Variants in PARD6G observed in about 807,000 individuals in gnomAD.
PARD6G encodes the protein partitioning defective 6 homolog gamma.
A neutral mutation model predicts 10.7 loss-of-function variants in PARD6G; 7 were observed. That is an observed-to-expected ratio of 0.66 (90% confidence interval 0.37 to 1.23). The LOEUF (loss-of-function observed/expected upper bound fraction) is 1.23. Ranked by LOEUF, PARD6G falls within the 50% of genes most tolerant of loss-of-function variation. The pLI is 0.02. For synonymous variants in PARD6G, 287 were observed against 269.4 expected, an observed-to-expected ratio of 1.07 and a Z score of -0.64; for missense variants, 548 against 571.8, an observed-to-expected ratio of 0.96 and a Z score of 0.42.
chr18:80,239,469 T>C (rs958878054), intron 1 of PARD6G, among the ~76,000 whole-genome samples: 1 of 151,934 alleles, frequency 6.6e-6, no homozygotes, highest in African/African-American at 2.4e-5. Flanking sequence ...CAAAAAAAAA[T>C]CTCATAAAGT....
At position 80,192,761 on chromosome 18, in the gene PARD6G, A is replaced by C. The variant is rs1321028629; in HGVS notation, c.295+9949T>G. On this transcript the variant is annotated intron_variant, in intron 2 of 2. Transcript: ENST00000353265. The surrounding 1 kb of genome is among the most constrained non-coding windows in gnomAD (Gnocchi z 4.9). ...GAGGGTCAACCAGTCCCAAATCTCC[A>C]CTGTTCATTATCTCCTCCTCACAGT... Among the ~76,000 whole-genome samples the C allele has an allele frequency of 1.3e-5, 2 of 152,102 alleles. No homozygotes were observed. Among genetic ancestry groups the C allele is most frequent in the Non-Finnish European group, 2.9e-5 (2 of 67,998 alleles).
chr18:80,169,129 A>G (rs1199373973), intron 2 of PARD6G: 2 of 169,274 alleles, frequency 1.2e-5, no homozygotes, highest in African/African-American at 2.4e-5. Context: ...GTGGCTGTGC[A>G]TGCCTGAGAG....
intron 2 of PARD6G, chr18:80,197,495 C>T (rs2886235): frequency 0.66 from 100,308 of 152,054 alleles, 33,213 homozygotes; most frequent in Admixed American, 0.68. Context: ...AACAGCCATA[C>T]GCAAACGGGC....
At chr18:80,242,513 C>T (rs970750637) in intron 1 of PARD6G, among the ~76,000 whole-genome samples, 3 of 152,242 alleles carry the variant, frequency 2.0e-5, no homozygotes, top group Non-Finnish European at 4.4e-5. Context: ...CACTGCACAC[C>T]TGGCTGTCCC....
intron 1 of PARD6G, among the ~76,000 whole-genome samples, chr18:80,227,459 C>T (rs550025475): frequency 1.3e-5 from 2 of 152,306 alleles, no homozygotes; most frequent in South Asian, 4.1e-4. Flanking sequence ...TGTCAGCATG[C>T]AGGTGAAGAT....
At chr18:80,165,510 G>A (rs2052729737) in intron 2 of PARD6G, among the ~76,000 whole-genome samples, 1 of 151,988 alleles carries the variant, frequency 6.6e-6, no homozygotes, top group Non-Finnish European at 1.5e-5. Context: ...TATCACAGTG[G>A]TCCTGAGGTG....
At chr18:80,205,703 T>C (rs1967047963) in intron 1 of PARD6G, among the ~76,000 whole-genome samples, 1 of 152,202 alleles carries the variant, frequency 6.6e-6, no homozygotes, top group South Asian at 2.1e-4. Flanking sequence ...CAGGAGCAGA[T>C]GGTCACCATG....
At chr18:80,187,504 T>C (rs2052886383) in intron 2 of PARD6G, among the ~76,000 whole-genome samples, 1 of 152,142 alleles carries the variant, frequency 6.6e-6, no homozygotes. Context: ...GCTGGGCTGT[T>C]CCGGTTAGAT....
At chr18:80,226,327 C>T (rs1417680531) in intron 1 of PARD6G, among the ~76,000 whole-genome samples, 6 of 151,996 alleles carry the variant, frequency 3.9e-5, no homozygotes, top group East Asian at 3.9e-4. Context: ...TGTACCACCA[C>T]GCCCAGCTAA....
intron 1 of PARD6G, among the ~76,000 whole-genome samples, chr18:80,214,167 A>G (rs188522401): frequency 6.6e-6 from 1 of 151,378 alleles, no homozygotes; most frequent in East Asian, 2.0e-4. Context: ...AATGTATAAG[A>G]ATGATACCGG....
rs1344546968 is a variant in PARD6G at position 80,189,048 on chromosome 18, G to A, written c.295+13662C>T. Among the ~76,000 whole-genome samples the A allele has an allele frequency of 6.6e-6, 1 of 152,192 alleles. No homozygotes were observed. The highest frequency in any genetic ancestry group is 1.5e-5 in the Non-Finnish European group (1 of 68,044). ...GAACCCAGTTCTAGGGGCTGCCCAC[G>A]TGTCACTTCCACCCCAGATCTGGCT... On this transcript the variant is annotated intron_variant, in intron 2 of 2. Transcript: ENST00000353265. This position sits in a 1 kb window ranked among gnomAD's most constrained non-coding sequence, Gnocchi z 5.5.
chr18:80,165,582 T>C (rs2052730362), intron 2 of PARD6G, among the ~76,000 whole-genome samples: 1 of 152,012 alleles, frequency 6.6e-6, no homozygotes, highest in African/African-American at 2.4e-5. Context: ...CATAAGAAAT[T>C]ATAAAAGTAT....
intron 1 of PARD6G, among the ~76,000 whole-genome samples, chr18:80,233,053 C>CA (rs1967378112): frequency 6.6e-6 from 1 of 152,012 alleles, no homozygotes; most frequent in Non-Finnish European, 1.5e-5. Context: ...GGACAGAGCT[C>CA]CACACACGCA....
At chr18:80,237,640 A>G (rs1967438936) in intron 1 of PARD6G, among the ~76,000 whole-genome samples, 1 of 152,250 alleles carries the variant, frequency 6.6e-6, no homozygotes, top group Admixed American at 6.5e-5. Context: ...CAAAGAACAC[A>G]AACAAATTTA....
In PARD6G at chr18:80,195,572, T is replaced by TATATATATATATATAC. The variant is rs894731117; in HGVS notation, c.295+7137_295+7138insGTATATATATATATAT. Among the ~76,000 whole-genome samples the TATATATATATATATAC allele has an allele frequency of 3.8e-3, 335 of 87,232 alleles. 3 individuals are homozygous for TATATATATATATATAC. The highest frequency in any genetic ancestry group is 0.017 in the African/African-American group (278 of 16,826). The allele number at this position is 87,232 out of a possible 152,430, so 57.2% of individuals were successfully genotyped here. ...ACATATATATATATATATATATATA[T>TATATATATATATATAC]ACACACATTTTTTTTTCTTTTTTTT... On this transcript the variant is annotated intron_variant, in intron 2 of 2. Coordinates refer to ENST00000353265, the MANE Select transcript of PARD6G (RefSeq NM_032510.4).
In PARD6G at chr18:80,204,227, G is replaced by A. The variant is rs117037617; in HGVS notation, c.73-1295C>T. Among the ~76,000 whole-genome samples, 6 of 152,278 alleles carry A rather than the reference G, an allele frequency of 3.9e-5. No individual in the cohort carries two copies. In the East Asian group the frequency reaches 1.2e-3, roughly 29 times the overall value. Reference sequence around the variant, plus strand: ...CCAAAATATATACAAATAAAGTAATGTTTATGGAAAACTAGTCATTATATC... The same window carrying A: ...CCAAAATATATACAAATAAAGTAATATTTATGGAAAACTAGTCATTATATC... On this transcript the variant is annotated intron_variant, in intron 1 of 2. Coordinates refer to ENST00000353265, the MANE Select transcript of PARD6G (RefSeq NM_032510.4).
At chr18:80,226,176 T>G (rs1316934981) in intron 1 of PARD6G, among the ~76,000 whole-genome samples, 1 of 143,238 alleles carries the variant, frequency 7.0e-6, no homozygotes, top group African/African-American at 2.6e-5. Flanking sequence ...TTTTTTTTTT[T>G]TTTTTTTTTT....
At chr18:80,221,753 A>G (rs1471986647) in intron 1 of PARD6G, among the ~76,000 whole-genome samples, 1 of 152,256 alleles carries the variant, frequency 6.6e-6, no homozygotes, top group East Asian at 1.9e-4. Context: ...AAGTTAAAAT[A>G]TCTCTATTCA....
intron 2 of PARD6G, among the ~76,000 whole-genome samples, chr18:80,194,329 A>G (rs954945523): frequency 5.3e-5 from 8 of 152,294 alleles, no homozygotes; most frequent in Middle Eastern, 3.4e-3. Context: ...AAAGGTGCCA[A>G]ATGGGCCCTA....
Sources: allele counts gnomAD v4.1 joint callset (sites outside exome capture counted in the v4.1 genomes callset), GRCh38; gene constraint gnomAD v4.1.1; non-coding constraint Gnocchi (gnomAD v3.1); transcripts MANE v1.5; gene names NCBI Gene and HGNC (gene_info 2026-07-23, HGNC 2026-07-21).